PANK2: variants seen among roughly 807,000 people sequenced by gnomAD.
PANK2 encodes the protein pantothenate kinase 2.
A neutral mutation model predicts 43.1 loss-of-function variants in PANK2; 36 were observed. The ratio of observed to expected loss-of-function variants is 0.84; its 90% CI spans 0.64 to 1.10. The LOEUF (loss-of-function observed/expected upper bound fraction) is 1.10, where lower values mean the gene tolerates loss of function less well. Ranked by LOEUF, PANK2 falls within the 50% of genes least tolerant of loss-of-function variation. The pLI, the probability that PANK2 is intolerant of heterozygous loss-of-function variation, is 0.00. For synonymous variants in PANK2, 281 were observed against 238.2 expected, an observed-to-expected ratio of 1.18 and a Z score of -1.66; for missense variants, 576 against 593.3, an observed-to-expected ratio of 0.97 and a Z score of 0.30.
At chr20:3,894,969 A>G (rs1356298791) in intron 1 of PANK2, among the ~76,000 whole-genome samples, 1 of 152,112 alleles carries the variant, frequency 6.6e-6, no homozygotes, top group Non-Finnish European at 1.5e-5. Context: ...TAGCAGGAAG[A>G]GATGTATGTT....
chr20:3,926,940 C>CAAAAAAAAAAAAAAAAAA lies in PANK2; in HGVS notation c.*3650_*3667dup, dbSNP rs11471571. 9.2e-6 allele frequency: 1 copy of CAAAAAAAAAAAAAAAAAA among 108,432 alleles called. No individual in the cohort carries two copies. Among genetic ancestry groups the CAAAAAAAAAAAAAAAAAA allele is most frequent in the Non-Finnish European group, 1.8e-5 (1 of 56,046 alleles). The allele number at this position is 108,432 out of a possible 1,614,324, so 6.7% of individuals were successfully genotyped here. ...AGCCTGGGTGACAGCAAGACTGTCT[C>CAAAAAAAAAAAAAAAAAA]AAAAAAAAAAAAAAAAAAAAATCCG... On this transcript the variant is annotated 3_prime_UTR_variant, in exon 7 of 7. Coordinates refer to ENST00000610179, the MANE Select transcript of PANK2 (RefSeq NM_001386393.1).
chr20:3,913,691 T>C (rs2090506217), intron 4 of PANK2, among the ~76,000 whole-genome samples: 1 of 151,584 alleles, frequency 6.6e-6, no homozygotes, highest in Non-Finnish European at 1.5e-5. Flanking sequence ...TATTGGTTGA[T>C]GAACATTTGG....
intron 4 of PANK2, among the ~76,000 whole-genome samples, chr20:3,914,036 G>GACCTCATGATCCGCCCA (rs2090518895): frequency 6.6e-6 from 1 of 151,730 alleles, no homozygotes; most frequent in Admixed American, 6.6e-5. Flanking sequence ...TGATCCGCCC[G>GACCTCATGATCCGCCCA]CCTTGGCCTC....
intron 4 of PANK2, among the ~76,000 whole-genome samples, chr20:3,913,231 T>C (rs993930544): frequency 1.3e-5 from 2 of 152,210 alleles, no homozygotes; most frequent in East Asian, 1.9e-4. Context: ...ACATTTCATA[T>C]AAGTGGTATC....
chr20:3,895,824 T>C (rs2090198034), intron 1 of PANK2, among the ~76,000 whole-genome samples: 1 of 152,188 alleles, frequency 6.6e-6, no homozygotes, highest in Non-Finnish European at 1.5e-5. Flanking sequence ...GTAGAATTTG[T>C]TGTTGAATTT....
chr20:3,925,233 G>A lies in PANK2; in HGVS notation c.*1939G>A, dbSNP rs943006352. 2.0e-5 allele frequency: 3 copies of A among 152,336 alleles called. No individual in the cohort carries two copies. Among genetic ancestry groups the A allele is most frequent in the Non-Finnish European group, 2.9e-5 (2 of 68,152 alleles). 9.4% of individuals were successfully genotyped at this position (152,336 alleles called of 1,614,324 possible). A position where few individuals can be genotyped will look rare whatever the true frequency, so the allele number is the denominator to read the frequency against. ...TTCCACCTTGTGCTCAGTAAACCCT[G>A]TCACTCCACAGCAGGGTTTTTGAGA... is the stretch of plus-strand genomic sequence containing the variant. On this transcript the variant is annotated 3_prime_UTR_variant, in exon 7 of 7. Coordinates refer to ENST00000610179, the MANE Select transcript of PANK2 (RefSeq NM_001386393.1).
At chr20:3,899,332 C>T (rs1177516036) in intron 1 of PANK2, among the ~76,000 whole-genome samples, 6 of 151,452 alleles carry the variant, frequency 4.0e-5, no homozygotes, top group African/African-American at 9.7e-5. Context: ...CCACCATGCC[C>T]GGCTAATTTT....
At chr20:3,918,934 C>A in intron 6 of PANK2, 138 bp downstream of exon 6, 1 of 1,434,238 alleles carries the variant, frequency 7.0e-7, no homozygotes, top group Non-Finnish European at 9.8e-7. Context: ...GAGACGGAGT[C>A]TCGCTCTGTC....
chr20:3,894,734 G>A (rs112257823), intron 1 of PANK2, among the ~76,000 whole-genome samples: 2,499 of 152,102 alleles, frequency 0.016, 81 homozygotes, highest in African/African-American at 0.057. Flanking sequence ...GTGTGCCACC[G>A]TGCCTGGCCA....
intron 1 of PANK2, among the ~76,000 whole-genome samples, chr20:3,892,038 G>A (rs367772218): frequency 6.6e-6 from 1 of 152,130 alleles, no homozygotes; most frequent in South Asian, 2.1e-4. Context: ...GGGTGCCCCT[G>A]TTAGGTGGAG....
At chr20:3,917,474 A>C (rs762885669) in intron 5 of PANK2, 5 of 534,552 alleles carry the variant, frequency 9.4e-6, no homozygotes, top group Admixed American at 7.8e-5. Context: ...TGGCTCCCCC[A>C]CCTCAGCAGA....
intron 5 of PANK2, among the ~76,000 whole-genome samples, chr20:3,918,237 G>A (rs896782569): frequency 6.6e-6 from 1 of 152,052 alleles, no homozygotes; most frequent in Non-Finnish European, 1.5e-5. Flanking sequence ...TTTTTTTTGC[G>A]AGGTTAATAG....
intron 1 of PANK2, among the ~76,000 whole-genome samples, chr20:3,905,811 G>A (rs1217272928): frequency 6.7e-6 from 1 of 149,314 alleles, no homozygotes; most frequent in Non-Finnish European, 1.5e-5. Context: ...CACCTCCCGG[G>A]TTCAAGCAAT....
intron 4 of PANK2, 105 bp downstream of exon 4, chr20:3,912,739 C>T (rs2090488143): frequency 1.6e-6 from 2 of 1,285,622 alleles, no homozygotes; most frequent in African/African-American, 1.5e-5. Flanking sequence ...ATCATGAGGT[C>T]AGGAGTTTGA....
At chr20:3,908,562 G>GAAACTACCT (rs2090423402) in intron 2 of PANK2, 1 of 419,916 alleles carries the variant, frequency 2.4e-6, no homozygotes, top group Non-Finnish European at 4.4e-6. Flanking sequence ...CTACCTAAAA[G>GAAACTACCT]GAACATCATT....
chr20:3,911,957 A>G (rs2146870994), intron 3 of PANK2, among the ~76,000 whole-genome samples: 1 of 152,358 alleles, frequency 6.6e-6, no homozygotes, highest in Admixed American at 6.5e-5. Flanking sequence ...AGGTCACTTC[A>G]GGAAAAACAG....
chr20:3,902,989 A>G (rs6107368), intron 1 of PANK2, among the ~76,000 whole-genome samples: 1 of 117,092 alleles, frequency 8.5e-6, no homozygotes, highest in African/African-American at 2.8e-5. Context: ...ACACACACAC[A>G]CACACACACA....
chr20:3,925,325 C>T lies in PANK2; in HGVS notation c.*2031C>T, dbSNP rs1401411085. The T allele has an allele frequency of 6.6e-6, 1 of 152,478 alleles. No homozygotes were observed. The highest frequency in any genetic ancestry group is 1.5e-5 in the Non-Finnish European group (1 of 68,212). 9.4% of individuals were successfully genotyped at this position (152,478 alleles called of 1,614,324 possible). The stretch of plus-strand genomic sequence containing the variant: ...CTCAGCTCACTGCAACCTCTGCCTT[C>T]CAGGCTCAAGCAATTCTCCTGCCTT... On this transcript the variant is annotated 3_prime_UTR_variant, in exon 7 of 7. Coordinates refer to ENST00000610179, the MANE Select transcript of PANK2 (RefSeq NM_001386393.1).
At chr20:3,921,517 A>G (rs968097475) in intron 6 of PANK2, 1 of 151,972 alleles carries the variant, frequency 6.6e-6, no homozygotes, top group African/African-American at 2.4e-5. Flanking sequence ...TATCTTCTAT[A>G]TTTTTATTAT....
Sources: gnomAD v4.1 joint callset for allele counts (sites outside exome capture counted in the v4.1 genomes callset) on GRCh38, gnomAD v4.1.1 for gene constraint, MANE v1.5 for transcripts, NCBI Gene and HGNC (gene_info 2026-07-23, HGNC 2026-07-21) for gene names.